Variants in AZIN2 observed in about 807,000 individuals in gnomAD.
AZIN2 encodes antizyme inhibitor 2, also known as ODC antizyme inhibitor-2.
A neutral mutation model predicts 47.8 loss-of-function variants in AZIN2; 28 were observed. That is an observed-to-expected ratio of 0.59 (90% CI 0.43 to 0.80). The LOEUF is 0.80. Ranked by LOEUF, AZIN2 falls within the 30% of genes least tolerant of loss-of-function variation. AZIN2 has a pLI of 0.00. For synonymous variants in AZIN2, 221 were observed against 239.4 expected, an observed-to-expected ratio of 0.92 and a Z score of 0.71; for missense variants, 535 against 582.5, an observed-to-expected ratio of 0.92 and a Z score of 0.84.
the AZIN2 span, among the ~76,000 whole-genome samples, chr1:33,161,049 C>T: frequency 3.3e-5 from 5 of 152,182 alleles, no homozygotes; most frequent in African/African-American, 7.2e-5. The surrounding 1 kb of genome is among the most constrained non-coding windows in gnomAD (Gnocchi z 4.3). Context: ...ACGTCAGTTG[C>T]CTAAGAGCTG....
intron 8 of AZIN2, 68 bp downstream of exon 8, chr1:33,094,781 C>T (rs989458793): frequency 7.7e-6 from 12 of 1,560,576 alleles, no homozygotes; most frequent in East Asian, 6.8e-5. Context: ...ATTAGATGAT[C>T]GGAGGGAGAC....
At position 33,121,001 on chromosome 1, in the gene AZIN2, A is replaced by G. The variant is rs1180312735; in HGVS notation, c.*819A>G. ...GGTGGTCGCTTTTGCTTCTTTGGGC[A>G]GTGCCTGTTAGAACAGGGCTGGCCA... On this transcript the variant is annotated 3_prime_UTR_variant, in exon 12 of 12. Coordinates refer to ENST00000294517, the MANE Select transcript of AZIN2 (RefSeq NM_052998.4). Among the ~76,000 whole-genome samples the G allele has an allele frequency of 1.3e-5, 2 of 152,196 alleles. No homozygotes were observed. The highest frequency in any genetic ancestry group is 6.5e-5 in the Admixed American group (1 of 15,286).
In AZIN2 at chr1:33,096,882, T is replaced by G. The variant is rs1570026121; in HGVS notation, c.916+13T>G. ...CCTGGCAGGGAGGGTAGGTGCCAGGTGGGCAGTGGAGCCCTGTTCTCCCCT... is the reference window on the plus strand; with the variant it reads ...CCTGGCAGGGAGGGTAGGTGCCAGGGGGGCAGTGGAGCCCTGTTCTCCCCT... On this transcript the variant is annotated intron_variant, in intron 9 of 11. Transcript: ENST00000294517. 1 of 1,614,026 alleles carries G rather than the reference T, an allele frequency of 6.2e-7. No individual in the cohort carries two copies. The highest frequency in any genetic ancestry group is 8.5e-7 in the Non-Finnish European group (1 of 1,179,982).
chr1:33,117,871 G>A (rs1393136743), intron 10 of AZIN2, 31 bp from the exon 11 acceptor site: 2 of 1,612,864 alleles, frequency 1.2e-6, no homozygotes, highest in East Asian at 2.2e-5. Context: ...ATGCCCAGGA[G>A]AGCTGGCATG....
intron 10 of AZIN2, among the ~76,000 whole-genome samples, chr1:33,107,876 A>G (rs1644092767): frequency 6.6e-6 from 1 of 152,166 alleles, no homozygotes; most frequent in Admixed American, 6.5e-5. Flanking sequence ...TGGAAGAATT[A>G]ATACTGTTAA....
intron 5 of AZIN2, among the ~76,000 whole-genome samples, chr1:33,086,402 GAT>G (rs1641904452): frequency 6.6e-6 from 1 of 152,152 alleles, no homozygotes; most frequent in Non-Finnish European, 1.5e-5. Flanking sequence ...GCCAGTGATG[GAT>G]GCCCTCAGCC....
intron 10 of AZIN2, among the ~76,000 whole-genome samples, chr1:33,110,421 C>G (rs1241565434): frequency 6.6e-6 from 1 of 152,186 alleles, no homozygotes; most frequent in Non-Finnish European, 1.5e-5. Context: ...GGTAGCAGAT[C>G]AGACCTGCGT....
In AZIN2 at chr1:33,121,492, G is replaced by A. The variant is rs1644794084; in HGVS notation, c.*1310G>A. ...GCAGGAGAATCACTTGAACAGGGAGGTGGAGGTCGCAGTGAGCCGAGGTTG... is the reference window on the plus strand; with the variant it reads ...GCAGGAGAATCACTTGAACAGGGAGATGGAGGTCGCAGTGAGCCGAGGTTG... On this transcript the variant is annotated 3_prime_UTR_variant, in exon 12 of 12. Transcript: ENST00000294517. 6.6e-6 allele frequency among the ~76,000 whole-genome samples: 1 copy of A among 152,214 alleles called. No homozygotes were observed. The highest frequency in any genetic ancestry group is 2.4e-5 in the African/African-American group (1 of 41,460).
chr1:33,093,408 G>A lies in AZIN2; in HGVS notation c.579G>A (p.Val193=), dbSNP rs200769604. 2.0e-5 allele frequency: 32 copies of A among 1,613,610 alleles called. No individual in the cohort carries two copies. The highest frequency in any genetic ancestry group is 2.4e-5 in the Non-Finnish European group (28 of 1,179,796). The change falls in exon 7 of 12, where the codon GTG becomes GTA. Residue 193 remains valine, a synonymous_variant. Coordinates refer to ENST00000294517, the MANE Select transcript of AZIN2 (RefSeq NM_052998.4). ...CGAAGAAGCACCATGTGGAGGTGGT[G>A]GGTGTGAGGTGAGCACTGGGAACCC... ...ENAKKHHVEV[V]GVSFHIGSGC... is the part of the protein sequence containing the mutation.
the AZIN2 span, among the ~76,000 whole-genome samples, chr1:33,136,827 T>G: frequency 6.6e-6 from 1 of 151,246 alleles, no homozygotes; most frequent in Non-Finnish European, 1.5e-5. Context: ...TGAAACCCTG[T>G]CTCTACTAAA....
chr1:33,133,656 G>A, the AZIN2 span, among the ~76,000 whole-genome samples: 9 of 152,340 alleles, frequency 5.9e-5, no homozygotes, highest in Non-Finnish European at 8.8e-5. Flanking sequence ...AGCCACCCAC[G>A]TCTGGCCAAA....
the AZIN2 span, among the ~76,000 whole-genome samples, chr1:33,139,987 G>A: frequency 1.3e-5 from 2 of 152,212 alleles, no homozygotes; most frequent in East Asian, 3.8e-4. Context: ...TGTAGACAGG[G>A]AGACATCTTA....
At chr1:33,115,603 C>G (rs535081986) in intron 10 of AZIN2, among the ~76,000 whole-genome samples, 2 of 62,720 alleles carry the variant, frequency 3.2e-5, no homozygotes, top group East Asian at 4.9e-4. Context: ...ACTCGGGAGG[C>G]TGAGACAGGA....
chr1:33,160,045 G>A, the AZIN2 span: 1 of 1,471,570 alleles, frequency 6.8e-7, no homozygotes, highest in South Asian at 1.3e-5. Flanking sequence ...GAGAGGAAAG[G>A]GTGGGAAAGG....
chr1:33,144,169 G>A, the AZIN2 span, among the ~76,000 whole-genome samples: 13 of 137,192 alleles, frequency 9.5e-5, no homozygotes, highest in African/African-American at 2.1e-4. Flanking sequence ...ACGGAGTTTC[G>A]CTCTTTGCCC....
Position 33,081,617 on chromosome 1 carries a change from C to T in AZIN2, c.-268C>T, listed in dbSNP as rs551781795. On this transcript the variant is annotated 5_prime_UTR_variant, in exon 3 of 12. Transcript: ENST00000294517. The surrounding 1 kb of genome is among the most constrained non-coding windows in gnomAD (Gnocchi z 4.2). ...CTCTCCCAGGAGCTTGCGGCCCCCA[C>T]CCACCGCGTGGCGTCCCCAGGCACG... 1.3e-3 allele frequency: 200 copies of T among 158,736 alleles called. No homozygotes were observed. Among genetic ancestry groups the T allele is most frequent in the Non-Finnish European group, 2.4e-3 (172 of 71,452 alleles). 9.8% of individuals were successfully genotyped at this position (158,736 alleles called of 1,614,324 possible). A position where few individuals can be genotyped will look rare whatever the true frequency, so the allele number is the denominator to read the frequency against.
chr1:33,094,064 G>A (rs1642877044), intron 7 of AZIN2, among the ~76,000 whole-genome samples: 1 of 152,162 alleles, frequency 6.6e-6, no homozygotes, highest in African/African-American at 2.4e-5. Flanking sequence ...GATATGGAAG[G>A]AGTAATAATG....
chr1:33,116,509 C>T (rs1380463292), intron 10 of AZIN2, among the ~76,000 whole-genome samples: 4 of 152,090 alleles, frequency 2.6e-5, no homozygotes, highest in Non-Finnish European at 5.9e-5. Flanking sequence ...TTTCTCATCA[C>T]TCATATATTC....
At chr1:33,161,209 C>T in the AZIN2 span, among the ~76,000 whole-genome samples, 1 of 152,184 alleles carries the variant, frequency 6.6e-6, no homozygotes, top group Non-Finnish European at 1.5e-5. This position sits in a 1 kb window ranked among gnomAD's most constrained non-coding sequence, Gnocchi z 4.3. Context: ...ATAAGCGTTT[C>T]CCGGAAGTCT....
Sources: gnomAD v4.1 joint callset for allele counts (sites outside exome capture counted in the v4.1 genomes callset) on GRCh38, gnomAD v4.1.1 for gene constraint, Gnocchi (gnomAD v3.1) non-coding constraint, MANE v1.5 for transcripts, NCBI Gene and HGNC (gene_info 2026-07-23, HGNC 2026-07-21) for gene names.